MOB1B: variants seen among roughly 807,000 people sequenced by gnomAD.
MOB1B encodes MOB1 Mps One Binder homolog B.
A neutral mutation model predicts 24.4 loss-of-function variants in MOB1B; 19 were observed. The ratio of observed to expected loss-of-function variants is 0.78; its 90% CI spans 0.54 to 1.14. MOB1B has a LOEUF of 1.14. MOB1B is among the 50% of genes most tolerant of loss of function. The pLI is 0.00. For synonymous variants in MOB1B, 76 were observed against 82.1 expected (o/e 0.93, Z 0.40); for missense variants, 243 against 259.6 (o/e 0.94, Z 0.44).
chr4:70,929,163 CT>C (rs1736774561), intron 1 of MOB1B, among the ~76,000 whole-genome samples: 2 of 147,036 alleles, frequency 1.4e-5, no homozygotes, highest in Admixed American at 1.4e-4. Context: ...TTCTTTTCTT[CT>C]TTTTCTTTTC....
chr4:70,955,997 C>T, intron 1 of MOB1B, among the ~76,000 whole-genome samples: 1 of 151,888 alleles, frequency 6.6e-6, no homozygotes, highest in Non-Finnish European at 1.5e-5. Flanking sequence ...TCAGCTTTCC[C>T]AGTAGTTGGG....
At chr4:70,971,800 G>C (rs1425090200) in intron 3 of MOB1B, among the ~76,000 whole-genome samples, 2 of 152,168 alleles carry the variant, frequency 1.3e-5, no homozygotes, top group African/African-American at 4.8e-5. Flanking sequence ...CTTCTGGCTT[G>C]AGAGCTGTTT....
In MOB1B at chr4:70,902,554, A is replaced by G; in HGVS notation, c.14+4A>G. On this transcript the variant is annotated splice_donor_region_variant and intron_variant, in intron 1 of 5. Coordinates refer to ENST00000309395, the MANE Select transcript of MOB1B (RefSeq NM_173468.4). ...CGGCCAACATGAGCTTCTTGTTGTG[A>G]GTAGCCAGGCCCCGCACGCGCCGGC... The G allele has an allele frequency of 6.4e-7, 1 of 1,560,588 alleles. No homozygotes were observed. The highest frequency in any genetic ancestry group is 2.4e-5 in the East Asian group (1 of 42,126).
intron 1 of MOB1B, among the ~76,000 whole-genome samples, chr4:70,924,674 GCCCT>G (rs1736580461): frequency 6.6e-6 from 1 of 151,966 alleles, no homozygotes; most frequent in African/African-American, 2.4e-5. Context: ...GATATTCCCC[GCCCT>G]GTGTCCAGTT....
Position 70,908,192 on chromosome 4 carries a change from CT to C in MOB1B, c.14+5651del, listed in dbSNP as rs931429204. Among the ~76,000 whole-genome samples the C allele has an allele frequency of 1.0e-3, 150 of 149,932 alleles. 1 individual carries two copies. The highest frequency in any genetic ancestry group is 1.4e-3 in the Non-Finnish European group (96 of 67,316). Reference sequence around the variant, plus strand: ...AGGCACCCACCACCATGCCCGGCTACTTTTTTTTTGTATTTTTAGTAGAGAC... The same window carrying C: ...AGGCACCCACCACCATGCCCGGCTACTTTTTTTTGTATTTTTAGTAGAGAC... On this transcript the variant is annotated intron_variant, in intron 1 of 5. Transcript: ENST00000309395.
At chr4:70,958,840 T>C in intron 1 of MOB1B, 34 bp from the exon 2 acceptor site, 1 of 1,574,498 alleles carries the variant, frequency 6.4e-7, no homozygotes, top group Non-Finnish European at 8.7e-7. Flanking sequence ...ATGCCTTAAA[T>C]ATTAAACCCT....
At chr4:70,940,719 C>CA (rs1300699302) in intron 1 of MOB1B, among the ~76,000 whole-genome samples, 2 of 150,884 alleles carry the variant, frequency 1.3e-5, no homozygotes, top group African/African-American at 2.4e-5. Context: ...TCTGGTTGCC[C>CA]AGACTGGAGT....
At chr4:70,975,405 T>A in intron 4 of MOB1B, 119 bp downstream of exon 4, 1 of 1,465,032 alleles carries the variant, frequency 6.8e-7, no homozygotes. Context: ...TGTTGATATA[T>A]GTATATGTTA....
At chr4:70,931,838 C>A (rs930610494) in intron 1 of MOB1B, among the ~76,000 whole-genome samples, 1 of 152,142 alleles carries the variant, frequency 6.6e-6, no homozygotes, top group African/African-American at 2.4e-5. Flanking sequence ...TCAAGCAATC[C>A]TCCCATCTCA....
chr4:70,919,559 C>T (rs1035253360), intron 1 of MOB1B, among the ~76,000 whole-genome samples: 1 of 152,094 alleles, frequency 6.6e-6, no homozygotes, highest in Admixed American at 6.6e-5. Context: ...AGTGCAGTGG[C>T]GCTATCTCGG....
chr4:70,975,310 G>A (rs772084466), intron 4 of MOB1B, 24 bp downstream of exon 4: 3 of 1,605,416 alleles, frequency 1.9e-6, no homozygotes, highest in South Asian at 2.2e-5. Context: ...TTGTAAGGGG[G>A]ATCCATCATG....
At chr4:70,937,915 T>A (rs978972302) in intron 1 of MOB1B, among the ~76,000 whole-genome samples, 1 of 152,150 alleles carries the variant, frequency 6.6e-6, no homozygotes, top group Non-Finnish European at 1.5e-5. Context: ...AATCATTTTT[T>A]AAAAAATTTC....
rs1739394762 is a variant in MOB1B, at chr4:70,986,760, C to T, written c.*4703C>T. 6.6e-6 allele frequency: 1 copy of T among 152,074 alleles called. No individual in the cohort carries two copies. The highest frequency in any genetic ancestry group is 1.5e-5 in the Non-Finnish European group (1 of 67,960). 9.4% of individuals were successfully genotyped at this position (152,074 alleles called of 1,614,324 possible). ...ATATGATAAATGTTTAGCAGTAAAGCTATCTTAAGATTTAATGGAAAAGTT... is the reference window on the plus strand; with the variant it reads ...ATATGATAAATGTTTAGCAGTAAAGTTATCTTAAGATTTAATGGAAAAGTT... On this transcript the variant is annotated 3_prime_UTR_variant, in exon 6 of 6. Transcript: ENST00000309395.
chr4:70,903,061 G>T (rs774768389), intron 1 of MOB1B, among the ~76,000 whole-genome samples: 2 of 152,190 alleles, frequency 1.3e-5, no homozygotes, highest in African/African-American at 4.8e-5. Flanking sequence ...GGGAAGTTGG[G>T]ATGACAAGTT....
intron 1 of MOB1B, among the ~76,000 whole-genome samples, chr4:70,923,052 G>C (rs1005748334): frequency 6.6e-6 from 1 of 152,118 alleles, no homozygotes; most frequent in African/African-American, 2.4e-5. Context: ...GAGCACTGGG[G>C]CCAAACAGTA....
At chr4:70,910,730 C>T (rs1265846440) in intron 1 of MOB1B, among the ~76,000 whole-genome samples, 3 of 151,820 alleles carry the variant, frequency 2.0e-5, no homozygotes, top group Admixed American at 2.0e-4. Context: ...ATAAAAATCA[C>T]TCATAATCAC....
intron 2 of MOB1B, among the ~76,000 whole-genome samples, chr4:70,969,065 G>A (rs1738652786): frequency 6.6e-6 from 1 of 152,126 alleles, no homozygotes; most frequent in Non-Finnish European, 1.5e-5. Flanking sequence ...TAACTGCCTA[G>A]GTCTCTCTTC....
At chr4:70,956,834 T>A (rs1560654551) in intron 1 of MOB1B, among the ~76,000 whole-genome samples, 1 of 152,144 alleles carries the variant, frequency 6.6e-6, no homozygotes, top group East Asian at 1.9e-4. Flanking sequence ...GAGACCTACA[T>A]TTAAATGAGA....
chr4:70,924,629 C>T (rs112557539), intron 1 of MOB1B, among the ~76,000 whole-genome samples: 31 of 152,310 alleles, frequency 2.0e-4, no homozygotes, highest in African/African-American at 6.5e-4. Context: ...CTATCCCTCC[C>T]GAAGTCCCCC....
Sources: allele counts gnomAD v4.1 joint callset (sites outside exome capture counted in the v4.1 genomes callset), GRCh38; gene constraint gnomAD v4.1.1; transcripts MANE v1.5; gene names NCBI Gene and HGNC (gene_info 2026-07-23, HGNC 2026-07-21).